The following SPMIP8 variants were observed in gnomAD, a reference collection of about 807,000 sequenced individuals.
The protein encoded by SPMIP8 is testicular tissue protein Li 196.
At chr16:57,983,014 A>C in the SPMIP8 span, among the ~76,000 whole-genome samples, 1 of 152,192 alleles carries the variant, frequency 6.6e-6, no homozygotes, top group Non-Finnish European at 1.5e-5. Context: ...TGGGCGACAG[A>C]GCGAGACTCT....
At chr16:57,979,873 GC>G in the SPMIP8 span, among the ~76,000 whole-genome samples, 7 of 152,140 alleles carry the variant, frequency 4.6e-5, no homozygotes, top group Non-Finnish European at 1.0e-4. Flanking sequence ...TTCGAGACCA[GC>G]CTGGCCAACA....
chr16:57,981,492 T>G, the SPMIP8 span, among the ~76,000 whole-genome samples: 1 of 129,544 alleles, frequency 7.7e-6, no homozygotes, highest in Admixed American at 8.8e-5. Flanking sequence ...TCTCTCTCTC[T>G]CTCTTTCTCT....
the SPMIP8 span, among the ~76,000 whole-genome samples, chr16:57,978,282 G>A: frequency 1.3e-5 from 2 of 152,272 alleles, no homozygotes; most frequent in South Asian, 2.1e-4. Flanking sequence ...GAGGCTGGGC[G>A]CAGTCCCAGC....
At chr16:57,984,844 C>G in the SPMIP8 span, 2 of 1,561,132 alleles carry the variant, frequency 1.3e-6, no homozygotes, top group South Asian at 2.4e-5. Flanking sequence ...AACTGCCGGG[C>G]AGGTGGGCCG....
chr16:57,987,580 T>C, the SPMIP8 span: 4 of 820,568 alleles, frequency 4.9e-6, no homozygotes, highest in Non-Finnish European at 5.2e-6. Flanking sequence ...CACGCAATTG[T>C]CTCTGTCTGT....
the SPMIP8 span, among the ~76,000 whole-genome samples, chr16:57,983,291 T>G: frequency 6.6e-6 from 1 of 152,022 alleles, no homozygotes; most frequent in African/African-American, 2.4e-5. Context: ...CATTTTTTGT[T>G]TTGCTTGATT....
chr16:57,977,683 TG>T, the SPMIP8 span: 2 of 1,007,808 alleles, frequency 2.0e-6, no homozygotes, highest in Non-Finnish European at 3.0e-6. Flanking sequence ...AAAAATGGCC[TG>T]GCACACAGTA....
the SPMIP8 span, chr16:57,977,726 C>A: frequency 1.4e-6 from 2 of 1,400,522 alleles, no homozygotes; most frequent in Non-Finnish European, 2.0e-6. Context: ...AAGTAGACAT[C>A]GGCACTGGCC....
At chr16:57,976,628 GCT>G in the SPMIP8 span, 2 of 1,613,782 alleles carry the variant, frequency 1.2e-6, no homozygotes, top group Non-Finnish European at 1.7e-6. Flanking sequence ...TAAGGTAGCT[GCT>G]ATTGGTGAGT....
the SPMIP8 span, among the ~76,000 whole-genome samples, chr16:57,978,526 G>A: frequency 6.6e-6 from 1 of 151,752 alleles, no homozygotes; most frequent in Admixed American, 6.6e-5. Flanking sequence ...GGCAACAAGA[G>A]TGAGTCTCCG....
At chr16:57,978,869 G>A in the SPMIP8 span, among the ~76,000 whole-genome samples, 1 of 152,210 alleles carries the variant, frequency 6.6e-6, no homozygotes, top group South Asian at 2.1e-4. Context: ...CTCCTGCCTT[G>A]GCCTCCCAAA....
chr16:57,977,560 A>AGTGTGTGTGT, the SPMIP8 span, among the ~76,000 whole-genome samples: 5,585 of 132,596 alleles, frequency 0.042, 155 homozygotes, highest in Middle Eastern at 0.056. Context: ...GCACAATGTG[A>AGTGTGTGTGT]GTGTGTGTGT....
At chr16:57,984,340 C>T in the SPMIP8 span, 2 of 1,614,236 alleles carry the variant, frequency 1.2e-6, no homozygotes, top group Non-Finnish European at 8.5e-7. Flanking sequence ...TCCTTGGGGT[C>T]CCCAACAAAC....
At chr16:57,985,184 G>C in the SPMIP8 span, 1,011 of 1,500,996 alleles carry the variant, frequency 6.7e-4, no homozygotes, top group Non-Finnish European at 8.4e-4. Context: ...ATGAGCGCTC[G>C]AGAGGGGCTT....
the SPMIP8 span, chr16:57,978,175 C>T: frequency 1.1e-6 from 1 of 926,230 alleles, no homozygotes; most frequent in East Asian, 2.7e-5. Context: ...CAGGTCTGAG[C>T]CTCTGTTTAC....
chr16:57,982,362 G>T, the SPMIP8 span, among the ~76,000 whole-genome samples: 1 of 152,112 alleles, frequency 6.6e-6, no homozygotes, highest in African/African-American at 2.4e-5. Flanking sequence ...TATGTCTTTT[G>T]TCTTAGTCTA....
At chr16:57,986,555 C>T in the SPMIP8 span, 1 of 151,870 alleles carries the variant, frequency 6.6e-6, no homozygotes, top group African/African-American at 2.4e-5. Flanking sequence ...GATGGCCCTT[C>T]CTCCTCTGCC....
the SPMIP8 span, chr16:57,977,797 G>A: frequency 6.2e-7 from 1 of 1,606,546 alleles, no homozygotes; most frequent in African/African-American, 1.3e-5. Context: ...GAGCCCCTTA[G>A]AACCCTCTGC....
chr16:57,985,879 C>T, the SPMIP8 span: 1 of 1,597,820 alleles, frequency 6.3e-7, no homozygotes, highest in Non-Finnish European at 8.5e-7. Context: ...CCCTTCCCAT[C>T]TCGTGCTCAC....
Sources: gnomAD v4.1 joint callset for allele counts (sites outside exome capture counted in the v4.1 genomes callset) on GRCh38, gnomAD v4.1.1 for gene constraint, MANE v1.5 for transcripts, NCBI Gene and HGNC (gene_info 2026-07-23, HGNC 2026-07-21) for gene names.